The following DHX38 variants were observed in gnomAD, a reference collection of about 807,000 sequenced individuals.
DHX38 encodes DEAH-box helicase 38.
Under a neutral mutation model 153.1 loss-of-function variants are expected in DHX38, and 100 were observed. That is an observed-to-expected ratio of 0.65 (90% CI 0.56 to 0.77). The LOEUF (loss-of-function observed/expected upper bound fraction) is 0.77. Ranked by LOEUF, DHX38 falls within the 30% of genes least tolerant of loss-of-function variation. DHX38 has a pLI of 0.00. For synonymous variants in DHX38, 650 were observed against 631.7 expected (o/e 1.03, Z -0.43); for missense variants, 1,440 against 1,654.0 (o/e 0.87, Z 2.24).
rs756673285 is a variant in DHX38 at position 72,107,381 on chromosome 16, C to A, written c.2642C>A (p.Thr881Asn). 21 of 1,613,258 alleles carry A rather than the reference C, an allele frequency of 1.3e-5. No individual in the cohort carries two copies. In the South Asian group the frequency reaches 2.3e-4, roughly 18 times the overall value. ...GCCTACAAGAATGAGCTCCTGACCACCACAGTGCCCGAGATCCAGAGGACT... is the reference window on the plus strand; with the variant it reads ...GCCTACAAGAATGAGCTCCTGACCAACACAGTGCCCGAGATCCAGAGGACT... ...QSAYKNELLT[T>N]TVPEIQRTNL... is the part of the protein sequence containing the mutation. Residue 881 changes from threonine to asparagine, a missense_variant, in exon 20 of 27, where the codon ACC becomes AAC. Around this residue, in one of 6 missense-constraint regions of DHX38, gnomAD observed 543 missense variants for 717.9 expected, o/e 0.76. Coordinates refer to ENST00000268482, the MANE Select transcript of DHX38 (RefSeq NM_014003.4). This position sits in a 1 kb window ranked among gnomAD's most constrained non-coding sequence, Gnocchi z 5.3.
At chr16:72,112,329 A>T (rs1168932116) in intron 26 of DHX38, 84 bp from the exon 27 acceptor site, 12 of 1,373,432 alleles carry the variant, frequency 8.7e-6, no homozygotes, top group Non-Finnish European at 1.2e-5. Flanking sequence ...TAGGAACAGT[A>T]AGTCCTGGGG....
At chr16:72,108,099 T>G in intron 21 of DHX38, 128 bp from the exon 22 acceptor site, 1 of 1,157,250 alleles carries the variant, frequency 8.6e-7, no homozygotes, top group Admixed American at 2.5e-5. Flanking sequence ...TCTCAAATTG[T>G]CAGGGCAACC....
intron 13 of DHX38, 38 bp downstream of exon 13, chr16:72,103,826 C>G (rs749046023): frequency 6.3e-7 from 1 of 1,598,580 alleles, no homozygotes; most frequent in Non-Finnish European, 8.6e-7. Flanking sequence ...TAGTTATTCC[C>G]TAGTAGCTTC....
At position 72,098,647 on chromosome 16, in the gene DHX38, G is replaced by T; in HGVS notation, c.619G>T (p.Ala207Ser). 6.2e-7 allele frequency: 1 copy of T among 1,613,860 alleles called. No homozygotes were observed. The highest frequency in any genetic ancestry group is 1.1e-5 in the South Asian group (1 of 91,066). ...TGGATGTGTCTTTTGTGGCCCAGAT[G>T]CAGCCACCCCTTCAAGGTCTACCTG... is the stretch of plus-strand genomic sequence containing the variant. ...PESPRHRPKDAATPSRSTWEE... is the reference protein window; with the variant it reads ...PESPRHRPKDSATPSRSTWEE... The change falls in exon 5 of 27, where the codon GCA becomes TCA. Residue 207 changes from alanine (A) to serine (S), a missense_variant and splice_region_variant. Transcript: ENST00000268482.
Position 72,105,317 on chromosome 16 carries a change from C to T in DHX38, c.2348C>T (p.Pro783Leu). Residue 783 changes from proline (P) to leucine (L), a missense_variant, in exon 17 of 27, where the codon CCT becomes CTT. Transcript: ENST00000268482. ...LAVLPIYSQLPSDLQAKIFQK... is the reference protein window; with the variant it reads ...LAVLPIYSQLLSDLQAKIFQK... ...GTGCTGCCCATCTACTCTCAGCTGC[C>T]TTCTGACCTCCAGGCCAAAATCTTC... 1 of 1,614,178 alleles carries T rather than the reference C, an allele frequency of 6.2e-7. No individual in the cohort carries two copies. The highest frequency in any genetic ancestry group is 8.5e-7 in the Non-Finnish European group (1 of 1,180,036).
chr16:72,109,171 G>C (rs2042224898), intron 24 of DHX38, among the ~76,000 whole-genome samples: 1 of 152,214 alleles, frequency 6.6e-6, no homozygotes, highest in African/African-American at 2.4e-5. Context: ...CTTGGGATGA[G>C]CAACCCCTCT....
Position 72,104,011 on chromosome 16 carries a change from C to T in DHX38, c.1890C>T (p.Asp630=), listed in dbSNP as rs367769997. The change falls in exon 14 of 27, where the codon GAC becomes GAT. Residue 630 remains aspartate (D), a synonymous_variant. Coordinates refer to ENST00000268482, the MANE Select transcript of DHX38 (RefSeq NM_014003.4). This position sits in a 1 kb window ranked among gnomAD's most constrained non-coding sequence, Gnocchi z 4.5. ...ACACCTTGATCAAATACATGACTGACGGGATCCTGCTCCGAGAGTCCCTCC... is the reference window on the plus strand; with the variant it reads ...ACACCTTGATCAAATACATGACTGATGGGATCCTGCTCCGAGAGTCCCTCC... ...SENTLIKYMT[D]GILLRESLRE... 1.4e-4 allele frequency: 230 copies of T among 1,614,126 alleles called. No homozygotes were observed. The highest frequency in any genetic ancestry group is 2.0e-4 in the East Asian group (9 of 44,874).
Position 72,107,570 on chromosome 16 carries a change from C to T in DHX38, c.2809+22C>T. 6 of 1,610,420 alleles carry T rather than the reference C, an allele frequency of 3.7e-6. No individual in the cohort carries two copies. Among genetic ancestry groups the T allele is most frequent in the Non-Finnish European group, 5.1e-6 (6 of 1,176,976 alleles). ...ACAGGTGAGGCGGCCCCGGGAGCCTCATGGGTGCTGGCGCTTGACTTCCTT... is the reference window on the plus strand; with the variant it reads ...ACAGGTGAGGCGGCCCCGGGAGCCTTATGGGTGCTGGCGCTTGACTTCCTT... On this transcript the variant is annotated intron_variant, in intron 20 of 26. Coordinates refer to ENST00000268482, the MANE Select transcript of DHX38 (RefSeq NM_014003.4). This position sits in a 1 kb window ranked among gnomAD's most constrained non-coding sequence, Gnocchi z 5.3.
chr16:72,105,601 G>T lies in DHX38; in HGVS notation c.2464G>T (p.Asp822Tyr). Residue 822 changes from aspartate to tyrosine, a missense_variant, in exon 18 of 27, where the codon GAT becomes TAT. By Grantham distance (160) the Asp-to-Tyr change is radical. Around this residue, in one of 6 missense-constraint regions of DHX38, gnomAD observed 543 missense variants for 717.9 expected, o/e 0.76. Transcript: ENST00000268482. ...LTVDGIMFVI[D>Y]SGYCKLKVFN... ...TGTTGACGGCATCATGTTTGTTATC[G>T]ATTCTGGTTATTGCAAATTAAAGGT... The T allele has an allele frequency of 6.2e-7, 1 of 1,614,158 alleles. No individual in the cohort carries two copies. The highest frequency in any genetic ancestry group is 1.1e-5 in the South Asian group (1 of 91,078).
At chr16:72,099,309 T>C (rs1351526986) in intron 7 of DHX38, 29 bp downstream of exon 7, 7 of 1,570,768 alleles carry the variant, frequency 4.5e-6, no homozygotes, top group Non-Finnish European at 6.0e-6. Flanking sequence ...GAGGGGCTGA[T>C]CGGGGCTGGT....
rs2042201523 is a variant in DHX38, at chr16:72,107,871, T to A, written c.2964+72T>A. 2.6e-6 allele frequency: 4 copies of A among 1,552,204 alleles called. No individual in the cohort carries two copies. The highest frequency in any genetic ancestry group is 3.6e-5 in the Admixed American group (2 of 55,898). ...GTTGGGGAGGGGAATGGCTTCTCTC[T>A]GTATTACTGAAATGGAACAGAGGGC... On this transcript the variant is annotated intron_variant, in intron 21 of 26. Coordinates refer to ENST00000268482, the MANE Select transcript of DHX38 (RefSeq NM_014003.4). The surrounding 1 kb of genome is among the most constrained non-coding windows in gnomAD (Gnocchi z 5.3).
In DHX38 at chr16:72,104,499, G is replaced by A. The variant is rs1284129655; in HGVS notation, c.2024G>A (p.Arg675His). Residue 675 changes from arginine to histidine, a missense_variant, in exon 15 of 27, where the codon CGC becomes CAC. By Grantham distance (29) the Arg-to-His change is conservative. Around this residue, in one of 6 missense-constraint regions of DHX38, gnomAD observed 543 missense variants for 717.9 expected, o/e 0.76. Transcript: ENST00000268482. The surrounding 1 kb of genome is among the most constrained non-coding windows in gnomAD (Gnocchi z 4.5). ...CTCTTCTCTCAGGTAGTGGCTCGGC[G>A]CTCAGACCTGAAGCTCATCGTCACA... ...FGLLREVVAR[R>H]SDLKLIVTSA... 1.2e-6 allele frequency: 2 copies of A among 1,613,700 alleles called. No individual in the cohort carries two copies. The highest frequency in any genetic ancestry group is 1.7e-6 in the Non-Finnish European group (2 of 1,180,008).
intron 26 of DHX38, 96 bp from the exon 27 acceptor site, chr16:72,112,317 G>A (rs2042267126): frequency 7.9e-7 from 1 of 1,263,322 alleles, no homozygotes; most frequent in South Asian, 1.2e-5. Flanking sequence ...CCCACCATGG[G>A]TTAGGAACAG....
At chr16:72,096,577 G>C (rs1255259469) in intron 2 of DHX38, 97 bp downstream of exon 2, 1 of 1,464,232 alleles carries the variant, frequency 6.8e-7, no homozygotes, top group Non-Finnish European at 9.0e-7. Flanking sequence ...TGGAGATTTA[G>C]AGCTTTATGA....
Position 72,112,813 on chromosome 16 carries a change from T to G in DHX38, c.*316T>G, listed in dbSNP as rs545842959. ...ATGCGTGACTTGGCTGTGGCTGTCT[T>G]TTTTAATCCTTGTGTAAAGCAGCAA... On this transcript the variant is annotated 3_prime_UTR_variant, in exon 27 of 27. Coordinates refer to ENST00000268482, the MANE Select transcript of DHX38 (RefSeq NM_014003.4). 1 of 702,706 alleles carries G rather than the reference T, an allele frequency of 1.4e-6. No individual in the cohort carries two copies. The highest frequency in any genetic ancestry group is 1.7e-5 in the African/African-American group (1 of 57,392). The allele number at this position is 702,706 out of a possible 1,614,324, so 43.5% of individuals were successfully genotyped here.
chr16:72,109,335 G>A, intron 24 of DHX38, 80 bp from the exon 25 acceptor site: 2 of 1,493,234 alleles, frequency 1.3e-6, no homozygotes, highest in Non-Finnish European at 1.8e-6. Flanking sequence ...CCCTTCCCAT[G>A]TGGCTCCTAA....
At position 72,096,466 on chromosome 16, in the gene DHX38, T is replaced by C; in HGVS notation, c.309T>C (p.Asn103=). Residue 103 remains asparagine (N), a synonymous_variant, in exon 2 of 27, where the codon AAT becomes AAC. Transcript: ENST00000268482. Reference sequence around the variant, plus strand: ...AGGGCGGTGACCAGGCTGGCCAAAATATCCGGAAAGACAGGTAAAGGCCTT... The same window carrying C: ...AGGGCGGTGACCAGGCTGGCCAAAACATCCGGAAAGACAGGTAAAGGCCTT... ...EEEGGDQAGQ[N]IRKDRHYRSA... 1 of 1,612,446 alleles carries C rather than the reference T, an allele frequency of 6.2e-7. No homozygotes were observed. The highest frequency in any genetic ancestry group is 8.5e-7 in the Non-Finnish European group (1 of 1,179,396).
At position 72,097,158 on chromosome 16, in the gene DHX38, T is replaced by A. The variant is rs189547316; in HGVS notation, c.511+149T>A. On this transcript the variant is annotated intron_variant, in intron 3 of 26. Coordinates refer to ENST00000268482, the MANE Select transcript of DHX38 (RefSeq NM_014003.4). The stretch of plus-strand genomic sequence containing the variant: ...CTGAGTGGTTTTGACCCTGCTGGGA[T>A]TGGGAATACTAGTTTAAGAAAAGAG... The A allele has an allele frequency of 8.5e-4, 661 of 781,550 alleles. 3 individuals carry two copies. The highest frequency in any genetic ancestry group is 3.5e-3 in the Middle Eastern group (9 of 2,560). 48.4% of individuals were successfully genotyped at this position (781,550 alleles called of 1,614,324 possible).
intron 11 of DHX38, 93 bp downstream of exon 11, chr16:72,101,705 C>T (rs1217863347): frequency 1.0e-6 from 1 of 985,718 alleles, no homozygotes; most frequent in East Asian, 2.6e-5. Flanking sequence ...TTTGTGGCTC[C>T]TGAGTGGGAG....
Sources: allele counts gnomAD v4.1 joint callset (sites outside exome capture counted in the v4.1 genomes callset), GRCh38; gene constraint gnomAD v4.1.1; regional missense constraint gnomAD v4.1.1; non-coding constraint Gnocchi (gnomAD v3.1); transcripts MANE v1.5; gene names NCBI Gene and HGNC (gene_info 2026-07-23, HGNC 2026-07-21).